The following ESR2 variants were observed in gnomAD, a reference collection of about 807,000 sequenced individuals.
ESR2 encodes the protein estrogen receptor 2, also known as estrogen receptor beta.
ESR2 carries 36 observed loss-of-function variants against 49.6 expected under a neutral mutation model. The ratio of observed to expected loss-of-function variants is 0.73; its 90% CI spans 0.56 to 0.96. ESR2 has a LOEUF of 0.96. ESR2 is among the 40% of genes least tolerant of loss of function. ESR2 has a pLI of 0.00. For synonymous variants in ESR2, 320 were observed against 266.1 expected (o/e 1.20, Z -1.97); for missense variants, 714 against 693.0 (o/e 1.03, Z -0.34).
chr14:64,283,063 G>A lies in ESR2; in HGVS notation c.-78C>T. On this transcript the variant is annotated 5_prime_UTR_variant, in exon 2 of 9. Coordinates refer to ENST00000341099, the MANE Select transcript of ESR2 (RefSeq NM_001437.3). ...TTATAATGTTCTCAAAGATTCGTGGGCAAGTATAATGGCTGTAAAGAAACA... is the reference window on the plus strand; with the variant it reads ...TTATAATGTTCTCAAAGATTCGTGGACAAGTATAATGGCTGTAAAGAAACA... The A allele has an allele frequency of 6.9e-7, 1 of 1,456,444 alleles. No individual in the cohort carries two copies. Among genetic ancestry groups the A allele is most frequent in the Non-Finnish European group, 9.3e-7 (1 of 1,079,248 alleles). 90.2% of individuals were successfully genotyped at this position (1,456,444 alleles called of 1,614,324 possible). A position where few individuals can be genotyped will look rare whatever the true frequency, so the allele number is the denominator to read the frequency against.
chr14:64,261,299 G>A (rs2076220174), intron 4 of ESR2, among the ~76,000 whole-genome samples: 1 of 140,146 alleles, frequency 7.1e-6, no homozygotes, highest in Non-Finnish European at 1.5e-5. Context: ...GTGCAGTGGT[G>A]TGATCTCGGC....
intron 1 of ESR2, among the ~76,000 whole-genome samples, chr14:64,284,432 T>C (rs2076748741): frequency 6.6e-6 from 1 of 151,908 alleles, no homozygotes. Context: ...GTTCAAGCAA[T>C]TATCATGTCT....
chr14:64,309,900 C>T (rs1027579113), intron 1 of ESR2, among the ~76,000 whole-genome samples: 5 of 151,968 alleles, frequency 3.3e-5, no homozygotes, highest in Non-Finnish European at 7.4e-5. Context: ...TCCTGGCTAA[C>T]ACGGCAAAAC....
intron 3 of ESR2, among the ~76,000 whole-genome samples, chr14:64,274,700 T>G (rs2140788454): frequency 6.6e-6 from 1 of 152,316 alleles, no homozygotes; most frequent in South Asian, 2.1e-4. Flanking sequence ...ATCATTAAGT[T>G]GTTTACTTCA....
At chr14:64,261,692 T>TAC (rs1205682194) in intron 4 of ESR2, among the ~76,000 whole-genome samples, 3 of 152,230 alleles carry the variant, frequency 2.0e-5, no homozygotes, top group Non-Finnish European at 4.4e-5. Flanking sequence ...GTGCTGGGAT[T>TAC]ACAGGCGTGA....
intron 7 of ESR2, among the ~76,000 whole-genome samples, chr14:64,248,220 C>G (rs2075907422): frequency 6.6e-6 from 1 of 151,230 alleles, no homozygotes; most frequent in Non-Finnish European, 1.5e-5. Context: ...AAACAAGATA[C>G]AGACTGTGCA....
intron 7 of ESR2, among the ~76,000 whole-genome samples, chr14:64,248,437 A>T (rs1049205252): frequency 1.4e-5 from 2 of 147,920 alleles, no homozygotes; most frequent in African/African-American, 2.5e-5. Flanking sequence ...TGAGCTCAGT[A>T]CTAGGTTACA....
At chr14:64,314,526 T>C (rs2077227882) in intron 1 of ESR2, among the ~76,000 whole-genome samples, 1 of 150,724 alleles carries the variant, frequency 6.6e-6, no homozygotes, top group African/African-American at 2.4e-5. Context: ...ATTGATTAAA[T>C]GTAAAACAGG....
chr14:64,308,720 C>T (rs10136822), intron 1 of ESR2, among the ~76,000 whole-genome samples: 1 of 151,820 alleles, frequency 6.6e-6, no homozygotes, highest in Non-Finnish European at 1.5e-5. Flanking sequence ...GATTGTATGT[C>T]ATAAACTTTA....
At chr14:64,288,299 A>G (rs1446396420) in intron 1 of ESR2, among the ~76,000 whole-genome samples, 2 of 152,166 alleles carry the variant, frequency 1.3e-5, no homozygotes, top group Non-Finnish European at 2.9e-5. Flanking sequence ...CATGGACAAG[A>G]AAAAGTTTGG....
intron 2 of ESR2, among the ~76,000 whole-genome samples, chr14:64,282,253 G>A (rs1308317238): frequency 1.3e-5 from 2 of 152,176 alleles, no homozygotes; most frequent in Admixed American, 6.5e-5. Context: ...ACTAAGGCAC[G>A]AGAATTGCTT....
intron 1 of ESR2, among the ~76,000 whole-genome samples, chr14:64,286,889 G>A (rs1596460230): frequency 6.6e-6 from 1 of 151,540 alleles, no homozygotes; most frequent in Non-Finnish European, 1.5e-5. Flanking sequence ...GCTAATTTTT[G>A]TATTTTTAGT....
In ESR2 at chr14:64,230,108, G is replaced by A. The variant is rs546517371; in HGVS notation, c.*3029C>T. ...GTGGGATGGGGCACTGTGGTGGGAG[G>A]ATCGCTTGAGCCCAGGAGGTCGAGG... On this transcript the variant is annotated 3_prime_UTR_variant, in exon 9 of 9. Coordinates refer to ENST00000341099, the MANE Select transcript of ESR2 (RefSeq NM_001437.3). Among the ~76,000 whole-genome samples, 3 of 151,672 alleles carry A rather than the reference G, an allele frequency of 2.0e-5. No homozygotes were observed. Among genetic ancestry groups the A allele is most frequent in the East Asian group, 3.9e-4 (2 of 5,136 alleles).
At chr14:64,268,322 A>C (rs2076372614) in intron 4 of ESR2, among the ~76,000 whole-genome samples, 1 of 152,220 alleles carries the variant, frequency 6.6e-6, no homozygotes, top group Non-Finnish European at 1.5e-5. Flanking sequence ...ACTTCTAGAA[A>C]GCTAGACGAG....
At chr14:64,327,388 C>T (rs1410075284) in intron 1 of ESR2, among the ~76,000 whole-genome samples, 1 of 149,838 alleles carries the variant, frequency 6.7e-6, no homozygotes, top group Non-Finnish European at 1.5e-5. Flanking sequence ...TGGTGAAACC[C>T]CATCTCTACT....
intron 7 of ESR2, among the ~76,000 whole-genome samples, chr14:64,244,937 T>C (rs1596380170): frequency 6.6e-6 from 1 of 152,200 alleles, no homozygotes; most frequent in East Asian, 1.9e-4. Flanking sequence ...GCTCTCCTCG[T>C]TTGTGTCCCT....
At chr14:64,280,502 A>G (rs1050851822) in intron 2 of ESR2, among the ~76,000 whole-genome samples, 4 of 152,178 alleles carry the variant, frequency 2.6e-5, no homozygotes, top group African/African-American at 9.7e-5. Context: ...AATCTTACCC[A>G]CAGGTCTGAA....
chr14:64,290,470 G>A (rs189713009), intron 1 of ESR2, among the ~76,000 whole-genome samples: 10 of 152,066 alleles, frequency 6.6e-5, no homozygotes, highest in East Asian at 3.9e-4. Context: ...TGGCATGATC[G>A]CGGCTCACTG....
intron 7 of ESR2, among the ~76,000 whole-genome samples, chr14:64,238,638 G>A (rs2075656885): frequency 6.6e-6 from 1 of 151,916 alleles, no homozygotes; most frequent in South Asian, 2.1e-4. Context: ...GCCCAGTCAG[G>A]CACAGAAAAC....
Sources: gnomAD v4.1 joint callset for allele counts (sites outside exome capture counted in the v4.1 genomes callset) on GRCh38, gnomAD v4.1.1 for gene constraint, MANE v1.5 for transcripts, NCBI Gene and HGNC (gene_info 2026-07-23, HGNC 2026-07-21) for gene names.